The following MAGI1 variants were observed in gnomAD, a reference collection of about 807,000 sequenced individuals.
MAGI1 encodes membrane associated guanylate kinase, WW and PDZ domain containing 1, also known as membrane-associated guanylate kinase, WW and PDZ domain-containing protein 1.
A neutral mutation model predicts 139.9 loss-of-function variants in MAGI1; 58 were observed. The ratio of observed to expected loss-of-function variants is 0.41; its 90% CI spans 0.34 to 0.52. The LOEUF is 0.52. Ranked by LOEUF, MAGI1 falls within the 20% of genes least tolerant of loss-of-function variation. The pLI is 0.12. For missense variants in MAGI1, 1,874 were observed against 1,901.6 expected (o/e 0.99, Z 0.27); for synonymous variants, 812 against 737.9 (o/e 1.10, Z -1.63).
In MAGI1 at chr3:65,927,086, T is replaced by C. The variant is rs984870751; in HGVS notation, c.313+110910A>G. Among the ~76,000 whole-genome samples, 3 of 152,202 alleles carry C rather than the reference T, an allele frequency of 2.0e-5. No individual in the cohort carries two copies. The East Asian group carries it at 5.8e-4, about 29-fold the overall frequency. ...ACTCATGAATAATCCACCCCTTGTG[T>C]AGCATATAATCAAGAAATAACCATA... On this transcript the variant is annotated intron_variant, in intron 1 of 22. Coordinates refer to ENST00000402939, the MANE Select transcript of MAGI1 (RefSeq NM_001033057.2).
In MAGI1 at chr3:65,492,970, C is replaced by T. The variant is rs991278534; in HGVS notation, c.550+542G>A. ...GCAGGCGCCTGTAATCCCAGCTACT[C>T]GGGAGGCTGACGCAGGAGAATGGCA... is the stretch of plus-strand genomic sequence containing the variant. On this transcript the variant is annotated intron_variant, in intron 3 of 22. Transcript: ENST00000402939. Among the ~76,000 whole-genome samples the T allele has an allele frequency of 2.7e-5, 4 of 150,544 alleles. No homozygotes were observed. The South Asian group carries it at 6.3e-4, about 24-fold the overall frequency.
chr3:65,562,779 T>G (rs1273191717), intron 2 of MAGI1, among the ~76,000 whole-genome samples: 1 of 152,244 alleles, frequency 6.6e-6, no homozygotes, highest in East Asian at 1.9e-4. Flanking sequence ...ATGAGACCAG[T>G]AAACGATGAG....
At chr3:65,731,683 A>G (rs1477202268) in intron 1 of MAGI1, among the ~76,000 whole-genome samples, 1 of 151,472 alleles carries the variant, frequency 6.6e-6, no homozygotes, top group Non-Finnish European at 1.5e-5. Context: ...AAAAAAAAGA[A>G]AGAAAGAAAT....
intron 1 of MAGI1, among the ~76,000 whole-genome samples, chr3:65,658,061 G>C (rs1393920543): frequency 6.6e-6 from 1 of 152,182 alleles, no homozygotes; most frequent in African/African-American, 2.4e-5. Context: ...TAATATGCTA[G>C]GACTTTAAAA....
intron 2 of MAGI1, among the ~76,000 whole-genome samples, chr3:65,537,707 A>AT (rs1157555904): frequency 1.3e-5 from 2 of 152,178 alleles, no homozygotes; most frequent in Non-Finnish European, 2.9e-5. Context: ...AAATCACTAG[A>AT]TTTTTTAAGT....
intron 2 of MAGI1, among the ~76,000 whole-genome samples, chr3:65,508,794 G>T (rs2077415470): frequency 1.3e-5 from 2 of 152,142 alleles, no homozygotes; most frequent in Admixed American, 1.3e-4. Flanking sequence ...TTTTTGTTGT[G>T]TTTTGTTTCA....
chr3:65,374,251 G>A (rs1224585574), intron 18 of MAGI1, among the ~76,000 whole-genome samples: 1 of 149,880 alleles, frequency 6.7e-6, no homozygotes, highest in Non-Finnish European at 1.5e-5. Flanking sequence ...AGAATAAAGT[G>A]AATATTCAGG....
At chr3:65,933,776 TATTA>T (rs1229186652) in intron 1 of MAGI1, among the ~76,000 whole-genome samples, 1 of 152,214 alleles carries the variant, frequency 6.6e-6, no homozygotes, top group Admixed American at 6.5e-5. Context: ...GAGCCTATTT[TATTA>T]ATTGTTTATC....
At chr3:65,950,839 T>G (rs1189131772) in intron 1 of MAGI1, among the ~76,000 whole-genome samples, 1 of 152,034 alleles carries the variant, frequency 6.6e-6, no homozygotes, top group Non-Finnish European at 1.5e-5. Flanking sequence ...ACAGATAGAG[T>G]GCAGGGATAC....
chr3:65,679,341 AT>A (rs1173947132), intron 1 of MAGI1, among the ~76,000 whole-genome samples: 1 of 152,164 alleles, frequency 6.6e-6, no homozygotes, highest in Non-Finnish European at 1.5e-5. Context: ...TATAGCTGAC[AT>A]TTCCTAAGGA....
chr3:65,754,846 T>C (rs189671888), intron 1 of MAGI1, among the ~76,000 whole-genome samples: 55 of 152,334 alleles, frequency 3.6e-4, no homozygotes, highest in Middle Eastern at 3.4e-3. Context: ...CAGCTAGTTT[T>C]CTATGTTTAA....
rs561231958 is a variant in MAGI1, at chr3:65,911,291, C to T, written c.313+126705G>A. 9.2e-5 allele frequency among the ~76,000 whole-genome samples: 14 copies of T among 151,860 alleles called. No individual in the cohort carries two copies. In the East Asian group the frequency reaches 1.2e-3, roughly 13 times the overall value. ...TTTTACTCAAACTGGGACATTTGAACGTTTGTCCATGGAATTTGAATCTCA... is the reference window on the plus strand; with the variant it reads ...TTTTACTCAAACTGGGACATTTGAATGTTTGTCCATGGAATTTGAATCTCA... On this transcript the variant is annotated intron_variant, in intron 1 of 22. Coordinates refer to ENST00000402939, the MANE Select transcript of MAGI1 (RefSeq NM_001033057.2).
chr3:66,038,063 G>C lies in MAGI1; in HGVS notation c.246C>G (p.Pro82=). The C allele has an allele frequency of 6.2e-7, 1 of 1,612,598 alleles. No homozygotes were observed. The highest frequency in any genetic ancestry group is 8.5e-7 in the Non-Finnish European group (1 of 1,179,468). The change falls in exon 1 of 23, where the codon CCC becomes CCG. Residue 82 remains proline (P), a synonymous_variant. Transcript: ENST00000402939. ...EVQGVRVSGL[P]RYDVLGVIDS... ...CGATGACCCCCAGCACGTCATAGCG[G>C]GGCAAGCCGGACACCCGGACCCCCT... is the stretch of plus-strand genomic sequence containing the variant.
chr3:65,636,556 C>T (rs2084629515), intron 1 of MAGI1, among the ~76,000 whole-genome samples: 1 of 152,188 alleles, frequency 6.6e-6, no homozygotes, highest in African/African-American at 2.4e-5. Context: ...CCTATCACAT[C>T]TGCCATCCTG....
intron 1 of MAGI1, among the ~76,000 whole-genome samples, chr3:65,876,614 T>C (rs1438854140): frequency 6.6e-6 from 1 of 152,132 alleles, no homozygotes; most frequent in East Asian, 1.9e-4. Flanking sequence ...AGGAACAGCT[T>C]ACAGAGTTAA....
chr3:65,390,957 G>A (rs1220087999), intron 14 of MAGI1, among the ~76,000 whole-genome samples, 185 bp downstream of exon 14: 1 of 152,150 alleles, frequency 6.6e-6, no homozygotes, highest in Admixed American at 6.5e-5. Context: ...TCCCCAAAGT[G>A]AAGGCATAGT....
intron 1 of MAGI1, among the ~76,000 whole-genome samples, chr3:65,907,368 C>T (rs1480741295): frequency 6.6e-6 from 1 of 152,162 alleles, no homozygotes; most frequent in Non-Finnish European, 1.5e-5. Context: ...GCTCAAAGTC[C>T]TACAGCTTGT....
chr3:65,997,352 C>T (rs921026336), intron 1 of MAGI1, among the ~76,000 whole-genome samples: 2 of 152,098 alleles, frequency 1.3e-5, no homozygotes, highest in South Asian at 2.1e-4. Context: ...ATCGGCCTCA[C>T]AGAACTCAGT....
chr3:65,535,069 G>A (rs1184284914), intron 2 of MAGI1, among the ~76,000 whole-genome samples: 1 of 151,970 alleles, frequency 6.6e-6, no homozygotes, highest in East Asian at 1.9e-4. Flanking sequence ...AACACGGCTG[G>A]TAGAAGTCAG....
Sources: gnomAD v4.1 joint callset for allele counts (sites outside exome capture counted in the v4.1 genomes callset) on GRCh38, gnomAD v4.1.1 for gene constraint, MANE v1.5 for transcripts, NCBI Gene and HGNC (gene_info 2026-07-23, HGNC 2026-07-21) for gene names.